Variants in IQSEC1 observed in about 807,000 individuals in gnomAD.
IQSEC1 encodes IQ motif and Sec7 domain ArfGEF 1.
In IQSEC1, 31 loss-of-function variants were observed where a neutral mutation model predicts 91.0. That is an observed-to-expected ratio of 0.34 (90% CI 0.26 to 0.46). The LOEUF (loss-of-function observed/expected upper bound fraction) is 0.46, where lower values mean the gene tolerates loss of function less well. Ranked by LOEUF, IQSEC1 falls within the 20% of genes least tolerant of loss-of-function variation. The pLI, the probability that IQSEC1 is intolerant of heterozygous loss-of-function variation, is 1.00. For missense variants in IQSEC1, 1,388 were observed against 1,575.6 expected (o/e 0.88, Z 2.02); for synonymous variants, 699 against 662.6 (o/e 1.05, Z -0.84).
intron 2 of IQSEC1, among the ~76,000 whole-genome samples, chr3:13,086,909 A>G (rs1576243654): frequency 6.6e-6 from 1 of 152,222 alleles, no homozygotes; most frequent in South Asian, 2.1e-4. Context: ...TCCACAAGGC[A>G]GGGTCACCCC....
At chr3:13,016,700 C>T (rs749097045) in intron 1 of IQSEC1, among the ~76,000 whole-genome samples, 2 of 152,222 alleles carry the variant, frequency 1.3e-5, no homozygotes, top group Non-Finnish European at 2.9e-5. Context: ...TCACTCTCAA[C>T]GCAAGGCCAC....
intron 1 of IQSEC1, among the ~76,000 whole-genome samples, chr3:13,013,062 G>A (rs1702961385): frequency 7.0e-6 from 1 of 143,118 alleles, no homozygotes; most frequent in Non-Finnish European, 1.5e-5. Context: ...CCAGGTTCAA[G>A]CGATTCTCCT....
At chr3:13,243,080 C>A (rs1324754842) in intron 1 of IQSEC1, among the ~76,000 whole-genome samples, 1 of 152,178 alleles carries the variant, frequency 6.6e-6, no homozygotes, top group African/African-American at 2.4e-5. Flanking sequence ...AGCTAGGAGC[C>A]AGTCTCATGG....
chr3:13,020,778 C>A (rs1703361994), intron 1 of IQSEC1, among the ~76,000 whole-genome samples: 1 of 152,208 alleles, frequency 6.6e-6, no homozygotes, highest in African/African-American at 2.4e-5. Flanking sequence ...AAGCATTCCT[C>A]CTGCCTCAGC....
intron 1 of IQSEC1, among the ~76,000 whole-genome samples, chr3:13,064,259 C>T (rs1358489852): frequency 6.6e-6 from 1 of 152,156 alleles, no homozygotes; most frequent in Non-Finnish European, 1.5e-5. Context: ...CACAATAGCT[C>T]CATTACCACA....
At chr3:13,027,162 G>A (rs530000557) in intron 1 of IQSEC1, among the ~76,000 whole-genome samples, 38 of 152,246 alleles carry the variant, frequency 2.5e-4, no homozygotes, top group African/African-American at 8.2e-4. Flanking sequence ...TGGAATGCCC[G>A]TTTTCCAAAT....
At chr3:12,911,579 C>T (rs559861094) in intron 10 of IQSEC1, 50 bp downstream of exon 10, 46 of 1,375,414 alleles carry the variant, frequency 3.3e-5, no homozygotes, top group South Asian at 3.2e-4. Flanking sequence ...GGAGAAAGAG[C>T]GTAAGCTGGG....
rs1377748489 is a variant in IQSEC1 at position 12,897,820 on chromosome 3, T to A, written c.*3163A>T. The A allele has an allele frequency of 6.6e-6, 1 of 152,226 alleles. No homozygotes were observed. The highest frequency in any genetic ancestry group is 1.5e-5 in the Non-Finnish European group (1 of 68,036). 9.4% of individuals were successfully genotyped at this position (152,226 alleles called of 1,614,324 possible). On this transcript the variant is annotated 3_prime_UTR_variant, in exon 14 of 14. Transcript: ENST00000613206. ...AACAAGAGGCTCCTGCTGCATGCAGTGTGTGAGGGAAAGATCACTGCACTG... is the reference window on the plus strand; with the variant it reads ...AACAAGAGGCTCCTGCTGCATGCAGAGTGTGAGGGAAAGATCACTGCACTG...
chr3:13,176,406 G>A (rs1027326492), intron 1 of IQSEC1, among the ~76,000 whole-genome samples: 3 of 152,198 alleles, frequency 2.0e-5, no homozygotes, highest in African/African-American at 7.2e-5. Flanking sequence ...GACCCCATGA[G>A]AGACACCTTC....
rs541278158 is a variant in IQSEC1, at chr3:13,102,678, A to G, written c.303-55156T>C. ...CTCACGTCACATGCTCCCACTGTCA[A>G]CTGCAGGCCACAGGTCCCACCCTCC... On this transcript the variant is annotated intron_variant, in intron 2 of 15. Transcript: ENST00000648114. Among the ~76,000 whole-genome samples, 11 of 152,176 alleles carry G rather than the reference A, an allele frequency of 7.2e-5. 1 individual carries two copies. The highest frequency in any genetic ancestry group is 6.8e-3 in the Middle Eastern group (2 of 294).
At chr3:13,178,457 G>C (rs1693778260) in intron 1 of IQSEC1, among the ~76,000 whole-genome samples, 1 of 152,240 alleles carries the variant, frequency 6.6e-6, no homozygotes, top group Non-Finnish European at 1.5e-5. Flanking sequence ...AGACTAGGTG[G>C]CTTATGAACC....
intron 6 of IQSEC1, among the ~76,000 whole-genome samples, chr3:12,918,801 G>A (rs531797036): frequency 2.6e-5 from 4 of 152,208 alleles, no homozygotes; most frequent in African/African-American, 4.8e-5. Flanking sequence ...CAGCCTGTGC[G>A]ACAGAGGAAG....
chr3:13,085,555 A>G (rs58742385), intron 2 of IQSEC1, among the ~76,000 whole-genome samples: 17,090 of 152,236 alleles, frequency 0.11, 1,077 homozygotes, highest in East Asian at 0.27. Context: ...CCTGCAGGAG[A>G]CGGGGTGTCC....
Position 12,911,699 on chromosome 3 carries a change from GTTCTTC to G in IQSEC1, c.2340_2345del (p.Lys780_Lys781del). 6.2e-7 allele frequency: 1 copy of G among 1,613,562 alleles called. No homozygotes were observed. Among genetic ancestry groups the G allele is most frequent in the Non-Finnish European group, 8.5e-7 (1 of 1,179,912 alleles). ...ACTGTCGGAAGCTGTACGTCACCGAGTTCTTCTTCTTCTGGAAGATCTTGGTGACCT... is the reference window on the plus strand; with the variant it reads ...ACTGTCGGAAGCTGTACGTCACCGAGTTCTTCTGGAAGATCTTGGTGACCT... On this transcript the variant is annotated inframe_deletion, in exon 10 of 14. Coordinates refer to ENST00000613206, the MANE Select transcript of IQSEC1 (RefSeq NM_001134382.3).
chr3:13,007,335 G>A (rs374748688), intron 1 of IQSEC1, among the ~76,000 whole-genome samples: 8 of 152,220 alleles, frequency 5.3e-5, no homozygotes, highest in South Asian at 4.1e-4. Context: ...CCTGTCGGCC[G>A]TTCTAAACAT....
intron 1 of IQSEC1, among the ~76,000 whole-genome samples, chr3:13,246,478 T>A (rs1055543692): frequency 2.0e-5 from 3 of 151,850 alleles, no homozygotes; most frequent in Non-Finnish European, 4.4e-5. Context: ...CCCACTGGAG[T>A]GACAACGAAA....
At chr3:12,941,923 C>T (rs72624443) in intron 1 of IQSEC1, 58 bp from the exon 2 acceptor site, 292,010 of 1,456,158 alleles carry the variant, frequency 0.2, 37,302 homozygotes, top group East Asian at 0.71. Context: ...AACACGACAC[C>T]GGGCCGTGGG....
chr3:12,935,249 C>T lies in IQSEC1; in HGVS notation c.1568+199G>A, dbSNP rs1698063731. On this transcript the variant is annotated intron_variant, in intron 3 of 13. Coordinates refer to ENST00000613206, the MANE Select transcript of IQSEC1 (RefSeq NM_001134382.3). The surrounding 1 kb of genome is among the most constrained non-coding windows in gnomAD (Gnocchi z 8.0). ...CTCAGCCTGTGTGTGTTGCCATCCC[C>T]ACCAGCAGTCCCAGGAGGGGCTAGG... Among the ~76,000 whole-genome samples the T allele has an allele frequency of 6.6e-6, 1 of 152,262 alleles. No individual in the cohort carries two copies.
chr3:13,210,711 C>T (rs989986477), intron 1 of IQSEC1, among the ~76,000 whole-genome samples: 1 of 152,162 alleles, frequency 6.6e-6, no homozygotes, highest in South Asian at 2.1e-4. Context: ...GAGAGTGTCT[C>T]GGGGGCCGAA....
Sources: gnomAD v4.1 joint callset for allele counts (sites outside exome capture counted in the v4.1 genomes callset) on GRCh38, gnomAD v4.1.1 for gene constraint, Gnocchi (gnomAD v3.1) non-coding constraint, MANE v1.5 for transcripts, NCBI Gene and HGNC (gene_info 2026-07-23, HGNC 2026-07-21) for gene names.